FAM167A: variants seen among roughly 807,000 people sequenced by gnomAD.
The protein encoded by FAM167A is family with sequence similarity 167 member A.
Under a neutral mutation model 14.9 loss-of-function variants are expected in FAM167A, and 23 were observed. The ratio of observed to expected loss-of-function variants is 1.55; its 90% CI spans 1.11 to 2.19. The LOEUF (loss-of-function observed/expected upper bound fraction) is 2.19, where lower values mean the gene tolerates loss of function less well. Among genes scored for constraint, FAM167A ranks in the 30% most tolerant of loss-of-function variants. FAM167A has a pLI of 0.00. For synonymous variants in FAM167A, 174 were observed against 117.7 expected, an observed-to-expected ratio of 1.48 and a Z score of -3.10; for missense variants, 401 against 281.5, an observed-to-expected ratio of 1.42 and a Z score of -3.04.
At chr8:11,427,690 A>T (rs1034830374) in intron 2 of FAM167A, among the ~76,000 whole-genome samples, 1 of 152,180 alleles carries the variant, frequency 6.6e-6, no homozygotes, top group Non-Finnish European at 1.5e-5. Flanking sequence ...ACTTGTACAG[A>T]TCTCTTTTCT....
chr8:11,444,422 G>A lies in FAM167A; in HGVS notation c.-11C>T, dbSNP rs766215340. ...CTGGGGCACAGACATTCTACAGTCT[G>A]CCCTGGCAGCCGGACATGCGAGGGC... On this transcript the variant is annotated 5_prime_UTR_variant, in exon 2 of 3. Transcript: ENST00000284486. 6 of 1,522,196 alleles carry A rather than the reference G, an allele frequency of 3.9e-6. No individual in the cohort carries two copies. The South Asian group carries it at 6.4e-5, about 16-fold the overall frequency. 94.3% of individuals were successfully genotyped at this position (1,522,196 alleles called of 1,614,324 possible).
intron 2 of FAM167A, among the ~76,000 whole-genome samples, chr8:11,424,909 C>G (rs1163667204): frequency 6.6e-6 from 1 of 152,162 alleles, no homozygotes; most frequent in African/African-American, 2.4e-5. Flanking sequence ...GAAGATACTT[C>G]CAGTGCTTTC....
At position 11,444,640 on chromosome 8, in the gene FAM167A, G is replaced by A. The variant is rs1806672507; in HGVS notation, c.-229C>T. 1.5e-6 allele frequency: 2 copies of A among 1,327,470 alleles called. No homozygotes were observed. The highest frequency in any genetic ancestry group is 2.8e-4 in the Middle Eastern group (1 of 3,532). The allele number at this position is 1,327,470 out of a possible 1,614,324, so 82.2% of individuals were successfully genotyped here. A position where few individuals can be genotyped will look rare whatever the true frequency, so the allele number is the denominator to read the frequency against. Reference sequence around the variant, plus strand: ...GAGGCTCGGGTCTATGATCCGTCCTGGAAGCCTGTGGGTGCCATGCTCCAC... The same window carrying A: ...GAGGCTCGGGTCTATGATCCGTCCTAGAAGCCTGTGGGTGCCATGCTCCAC... On this transcript the variant is annotated 5_prime_UTR_variant, in exon 2 of 3. It introduces an in-frame stop codon into an upstream open reading frame of the 5' UTR. Transcript: ENST00000284486.
At chr8:11,425,442 G>A (rs1013459424) in intron 2 of FAM167A, among the ~76,000 whole-genome samples, 3 of 152,190 alleles carry the variant, frequency 2.0e-5, no homozygotes, top group South Asian at 2.1e-4. Flanking sequence ...GCTCAAGGAC[G>A]AGCTGCAGTG....
upstream of FAM167A, among the ~76,000 whole-genome samples, chr8:11,468,164 A>C (rs772928865): frequency 2.6e-5 from 4 of 152,202 alleles, no homozygotes; most frequent in Non-Finnish European, 4.4e-5. Context: ...AAACAGGGGA[A>C]ACTCTTAAGA....
upstream of FAM167A, chr8:11,467,428 G>A (rs1477444137): frequency 6.5e-6 from 1 of 152,880 alleles, no homozygotes; most frequent in East Asian, 1.9e-4. Flanking sequence ...CGGACCGCAG[G>A]TCTTCAGGAC....
In FAM167A at chr8:11,452,431, T is replaced by C. The variant is rs182717830; in HGVS notation, c.-397-7623A>G. ...AGAAGTCTGGTGAGCTGTGCTCTTTTGGGAGTGGTGCCTCTGGGCTGTTTC... is the reference window on the plus strand; with the variant it reads ...AGAAGTCTGGTGAGCTGTGCTCTTTCGGGAGTGGTGCCTCTGGGCTGTTTC... On this transcript the variant is annotated intron_variant, in intron 1 of 2. Transcript: ENST00000284486. Among the ~76,000 whole-genome samples, 48 of 152,322 alleles carry C rather than the reference T, an allele frequency of 3.2e-4. No homozygotes were observed. The East Asian group carries it at 6.6e-3, about 21-fold the overall frequency.
intron 1 of FAM167A, among the ~76,000 whole-genome samples, chr8:11,454,811 C>T (rs1468432713): frequency 4.6e-5 from 7 of 152,202 alleles, no homozygotes; most frequent in African/African-American, 1.4e-4. Flanking sequence ...CCAGACAGGA[C>T]TGGGCTGGCC....
In FAM167A at chr8:11,424,322, C is replaced by A. The variant is rs1563353538; in HGVS notation, c.*51G>T. 1 of 1,603,460 alleles carries A rather than the reference C, an allele frequency of 6.2e-7. No individual in the cohort carries two copies. The highest frequency in any genetic ancestry group is 1.1e-5 in the South Asian group (1 of 90,408). ...CTTGGCCTCAGCTTCCTCTGACACC[C>A]CTCCAGCCCAAGCCCTCCGCTCCAG... On this transcript the variant is annotated 3_prime_UTR_variant, in exon 3 of 3. Transcript: ENST00000284486.
intron 1 of FAM167A, chr8:11,445,644 C>G (rs1284115621): frequency 3.1e-6 from 3 of 980,680 alleles, no homozygotes; most frequent in Non-Finnish European, 2.4e-6. Flanking sequence ...TAAGCCCCAG[C>G]TCCTACCCCA....
intron 1 of FAM167A, among the ~76,000 whole-genome samples, chr8:11,460,889 T>G (rs940443916): frequency 3.3e-5 from 5 of 152,148 alleles, no homozygotes; most frequent in Admixed American, 3.3e-4. Context: ...AAAGAATCTA[T>G]AAAAATACTT....
chr8:11,444,437 C>T lies in FAM167A; in HGVS notation c.-26G>A, dbSNP rs1806652963. ...TCTACAGTCTGCCCTGGCAGCCGGACATGCGAGGGCACGGGGGGCGCAGGG... is the reference window on the plus strand; with the variant it reads ...TCTACAGTCTGCCCTGGCAGCCGGATATGCGAGGGCACGGGGGGCGCAGGG... On this transcript the variant is annotated 5_prime_UTR_variant, in exon 2 of 3. An upstream start codon of the reference 5' UTR is lost. Transcript: ENST00000284486. The T allele has an allele frequency of 3.3e-6, 5 of 1,512,850 alleles. No individual in the cohort carries two copies. Among genetic ancestry groups the T allele is most frequent in the African/African-American group, 2.8e-5 (2 of 71,508 alleles). 93.7% of individuals were successfully genotyped at this position (1,512,850 alleles called of 1,614,324 possible).
chr8:11,424,039 T>C lies in FAM167A; in HGVS notation c.*334A>G. The C allele has an allele frequency of 3.9e-6, 1 of 257,706 alleles. No homozygotes were observed. The highest frequency in any genetic ancestry group is 7.5e-6 in the Non-Finnish European group (1 of 133,402). The allele number at this position is 257,706 out of a possible 1,614,324, so 16.0% of individuals were successfully genotyped here. On this transcript the variant is annotated 3_prime_UTR_variant, in exon 3 of 3. Coordinates refer to ENST00000284486, the MANE Select transcript of FAM167A (RefSeq NM_053279.3). ...GGGGGCCTCCCTTTGGGAATCCCAG[T>C]TCATAGCACCAGTGATTCCAGGAAA...
intron 2 of FAM167A, 79 bp downstream of exon 2, chr8:11,443,952 G>T: frequency 6.6e-7 from 1 of 1,505,586 alleles, no homozygotes; most frequent in Non-Finnish European, 9.0e-7. Flanking sequence ...TGGGGAGACA[G>T]ACAGAGAGAG....
chr8:11,424,123 T>C lies in FAM167A; in HGVS notation c.*250A>G, dbSNP rs938712129. The C allele has an allele frequency of 3.4e-5, 17 of 498,280 alleles. No homozygotes were observed. Among genetic ancestry groups the C allele is most frequent in the Non-Finnish European group, 5.8e-5 (16 of 276,994 alleles). 30.9% of individuals were successfully genotyped at this position (498,280 alleles called of 1,614,324 possible). ...GGGAACCCAGGTCTCCTTTAACATC[T>C]TGGTTGGAGCGGCCCTTCTGCAGAG... is the stretch of plus-strand genomic sequence containing the variant. On this transcript the variant is annotated 3_prime_UTR_variant, in exon 3 of 3. Coordinates refer to ENST00000284486, the MANE Select transcript of FAM167A (RefSeq NM_053279.3).
chr8:11,437,989 C>T (rs995575524), intron 2 of FAM167A: 1 of 337,120 alleles, frequency 3.0e-6, no homozygotes, highest in African/African-American at 2.2e-5. Flanking sequence ...TCTATTATAA[C>T]TTTTGTCACA....
rs1399137303 is a variant in FAM167A, at chr8:11,424,430, G to A, written c.588C>T (p.Leu196=). The part of the protein sequence containing the change: ...LASSFSLSTP[L]KLIGVTKMNI... ...TCATCTTGGTCACGCCAATAAGCTT[G>A]AGTGGTGTGGAGAGGCTGAAGGAGG... The change falls in exon 3 of 3, where the codon CTC becomes CTT. Residue 196 remains leucine, a synonymous_variant. Transcript: ENST00000284486. 1.2e-6 allele frequency: 2 copies of A among 1,614,058 alleles called. No homozygotes were observed. The highest frequency in any genetic ancestry group is 1.3e-5 in the African/African-American group (1 of 74,990).
intron 1 of FAM167A, among the ~76,000 whole-genome samples, chr8:11,448,462 G>A (rs968118176): frequency 6.6e-6 from 1 of 152,204 alleles, no homozygotes; most frequent in Non-Finnish European, 1.5e-5. Flanking sequence ...TAACCTATCA[G>A]AGTTATATCA....
intron 1 of FAM167A, among the ~76,000 whole-genome samples, chr8:11,450,658 G>A (rs139552541): frequency 7.9e-5 from 12 of 152,332 alleles, no homozygotes; most frequent in Non-Finnish European, 1.6e-4. Flanking sequence ...GGACCCTCCA[G>A]TACTTAGCAC....
Sources: gnomAD v4.1 joint callset for allele counts (sites outside exome capture counted in the v4.1 genomes callset) on GRCh38, gnomAD v4.1.1 for gene constraint, MANE v1.5 for transcripts, NCBI Gene and HGNC (gene_info 2026-07-23, HGNC 2026-07-21) for gene names.